MBD5: variants seen among roughly 807,000 people sequenced by gnomAD.
MBD5 encodes methyl-CpG binding domain protein 5.
A neutral mutation model predicts 117.3 loss-of-function variants in MBD5; 13 were observed. The ratio of observed to expected loss-of-function variants is 0.11; its 90% CI spans 0.07 to 0.18. The LOEUF is 0.18. MBD5 is among the 10% of genes least tolerant of loss of function. The pLI is 1.00. For synonymous variants in MBD5, 727 were observed against 766.4 expected, an observed-to-expected ratio of 0.95 and a Z score of 0.85; for missense variants, 1,879 against 2,093.8, an observed-to-expected ratio of 0.90 and a Z score of 2.00.
Position 148,124,467 on chromosome 2 carries a change from A to G in MBD5, c.-924-54233A>G, listed in dbSNP as rs150307144. 7.5e-3 allele frequency among the ~76,000 whole-genome samples: 1,138 copies of G among 151,888 alleles called. 12 individuals carry two copies. The highest frequency in any genetic ancestry group is 0.025 in the African/African-American group (1,055 of 41,400). ...GTAGCACATGCCTGTGGTCCCAGTT[A>G]CTCATGAGACTGAGGTGGAAGGATT... is the stretch of plus-strand genomic sequence containing the variant. On this transcript the variant is annotated intron_variant, in intron 1 of 13. Transcript: ENST00000642680.
chr2:148,033,377 G>T (rs1035556854), intron 1 of MBD5, among the ~76,000 whole-genome samples: 1 of 152,060 alleles, frequency 6.6e-6, no homozygotes, highest in African/African-American at 2.4e-5. Context: ...ATCTTAGTGT[G>T]CATCACTTGG....
chr2:148,146,396 T>C (rs984161338), intron 1 of MBD5, among the ~76,000 whole-genome samples: 2 of 152,106 alleles, frequency 1.3e-5, no homozygotes, highest in African/African-American at 4.8e-5. Context: ...CACACCTGGC[T>C]AATTTTTTTA....
chr2:148,211,741 A>T (rs1293960025), intron 2 of MBD5, among the ~76,000 whole-genome samples: 3 of 152,016 alleles, frequency 2.0e-5, no homozygotes, highest in African/African-American at 7.2e-5. Context: ...TTCACGAGAT[A>T]AAAAAATATG....
chr2:148,097,648 T>A (rs1467763392), intron 1 of MBD5, among the ~76,000 whole-genome samples: 1 of 152,186 alleles, frequency 6.6e-6, no homozygotes, highest in African/African-American at 2.4e-5. Context: ...GGTTTGTAAA[T>A]CAGCTTTATT....
chr2:148,397,621 G>A (rs1379157490), intron 4 of MBD5, among the ~76,000 whole-genome samples: 5 of 151,980 alleles, frequency 3.3e-5, no homozygotes, highest in Admixed American at 6.5e-5. Flanking sequence ...GAGCCACCGC[G>A]CCCAGCCTGA....
rs542179214 is a variant in MBD5 at position 148,447,018 on chromosome 2, C to T, written c.-556-11185C>T. ...TGATTTCCAAGATGAGTTCCTGAGA[C>T]AATGACAATGTGATATTGCCAATGA... is the stretch of plus-strand genomic sequence containing the variant. On this transcript the variant is annotated intron_variant, in intron 4 of 13. Coordinates refer to ENST00000642680, the MANE Select transcript of MBD5 (RefSeq NM_001378120.1). Among the ~76,000 whole-genome samples, 570 of 147,820 alleles carry T rather than the reference C, an allele frequency of 3.9e-3. 1 individual carries two copies. The highest frequency in any genetic ancestry group is 0.013 in the African/African-American group (518 of 39,812).
At chr2:148,102,040 C>T (rs1318321621) in intron 1 of MBD5, among the ~76,000 whole-genome samples, 1 of 152,134 alleles carries the variant, frequency 6.6e-6, no homozygotes, top group South Asian at 2.1e-4. Context: ...TTAAAATGCT[C>T]CAGGAAGGCC....
At chr2:148,120,958 G>A (rs1327359994) in intron 1 of MBD5, among the ~76,000 whole-genome samples, 5 of 152,094 alleles carry the variant, frequency 3.3e-5, no homozygotes, top group African/African-American at 1.2e-4. Flanking sequence ...TAGTTTGTTG[G>A]ATGTGCTGAT....
rs907498510 is a variant in MBD5 at position 148,368,470 on chromosome 2, T to TA, written c.-557+26142dup. On this transcript the variant is annotated intron_variant, in intron 4 of 13. Coordinates refer to ENST00000642680, the MANE Select transcript of MBD5 (RefSeq NM_001378120.1). ...GCACATGTATCCCAACTTAAAGTAT[T>TA]AAAAAAAATAAAAACTTTTTTAAAA... Among the ~76,000 whole-genome samples, 11 of 151,692 alleles carry TA rather than the reference T, an allele frequency of 7.3e-5. No homozygotes were observed. In the South Asian group the frequency reaches 1.7e-3, roughly 23 times the overall value.
At chr2:148,155,778 C>A (rs1178059540) in intron 1 of MBD5, among the ~76,000 whole-genome samples, 3 of 152,144 alleles carry the variant, frequency 2.0e-5, no homozygotes, top group Non-Finnish European at 4.4e-5. Context: ...TTAGAAAACT[C>A]ATAGTAACTG....
chr2:148,397,978 T>G (rs1425166862), intron 4 of MBD5, among the ~76,000 whole-genome samples: 2 of 152,234 alleles, frequency 1.3e-5, no homozygotes, highest in Non-Finnish European at 2.9e-5. Context: ...ACAAAGGACA[T>G]GAACTCATCA....
intron 4 of MBD5, among the ~76,000 whole-genome samples, chr2:148,344,660 C>A (rs750740192): frequency 1.3e-5 from 2 of 151,848 alleles, no homozygotes; most frequent in Non-Finnish European, 2.9e-5. Context: ...TTTTTGTATA[C>A]TGAAACTTTG....
chr2:148,314,385 T>TG (rs1429585860), intron 3 of MBD5, among the ~76,000 whole-genome samples: 1 of 147,170 alleles, frequency 6.8e-6, no homozygotes, highest in African/African-American at 2.5e-5. Context: ...GGTTTTTTTT[T>TG]TTTTTTTTTT....
At chr2:148,074,487 TTTTTTTTG>T (rs1695442878) in intron 1 of MBD5, among the ~76,000 whole-genome samples, 3 of 134,442 alleles carry the variant, frequency 2.2e-5, no homozygotes, top group Non-Finnish European at 4.7e-5. Flanking sequence ...ATAGTTTGTT[TTTTTTTTG>T]TTTTTTTTTT....
chr2:148,023,047 TAC>T (rs1311991417), intron 1 of MBD5, among the ~76,000 whole-genome samples: 1 of 152,000 alleles, frequency 6.6e-6, no homozygotes, highest in African/African-American at 2.4e-5. Context: ...CACATGCATA[TAC>T]ACACACTCTC....
At chr2:148,294,501 G>GTTTTTTTTTTTTTGTTTTTT (rs761709621) in intron 3 of MBD5, among the ~76,000 whole-genome samples, 13 of 113,262 alleles carry the variant, frequency 1.1e-4, no homozygotes, top group African/African-American at 2.6e-4. Flanking sequence ...TGGGATTACA[G>GTTTTTTTTTTTTTGTTTTTT]TTTTTTTTTT....
At chr2:148,072,172 C>G (rs1291373528) in intron 1 of MBD5, 1 of 152,078 alleles carries the variant, frequency 6.6e-6, no homozygotes, top group Non-Finnish European at 1.5e-5. Flanking sequence ...TAGCACTTAT[C>G]GTCATAGATA....
chr2:148,348,814 C>A lies in MBD5; in HGVS notation c.-557+6478C>A, dbSNP rs376780293. ...CGTTTTGGGGAGACTTTAGAAGTCA[C>A]CAGAAAGTTGTCCAGTTTTCCTATC... On this transcript the variant is annotated intron_variant, in intron 4 of 13. Transcript: ENST00000642680. Among the ~76,000 whole-genome samples, 11 of 151,814 alleles carry A rather than the reference C, an allele frequency of 7.2e-5. No individual in the cohort carries two copies. The East Asian group carries it at 9.7e-4, about 13-fold the overall frequency.
intron 7 of MBD5, among the ~76,000 whole-genome samples, chr2:148,465,166 G>C (rs1474958434): frequency 1.3e-5 from 2 of 151,972 alleles, no homozygotes; most frequent in African/African-American, 4.8e-5. Context: ...TTATGTTCAG[G>C]CTAAACACAT....
Sources: gnomAD v4.1 joint callset for allele counts (sites outside exome capture counted in the v4.1 genomes callset) on GRCh38, gnomAD v4.1.1 for gene constraint, MANE v1.5 for transcripts, NCBI Gene and HGNC (gene_info 2026-07-23, HGNC 2026-07-21) for gene names.